The following LRCH2 variants were observed in gnomAD, a reference collection of about 807,000 sequenced individuals.
LRCH2 encodes leucine-rich repeat and calponin homology domain-containing protein 2.
LRCH2 carries 38 observed loss-of-function variants against 68.9 expected under a neutral mutation model. The observed-to-expected ratio is 0.55, with a 90% CI of 0.43 to 0.72. The LOEUF (loss-of-function observed/expected upper bound fraction) is 0.72, where lower values mean the gene tolerates loss of function less well. Ranked by LOEUF, LRCH2 falls within the 30% of genes least tolerant of loss-of-function variation. The pLI is 0.00. For synonymous variants in LRCH2, 191 were observed against 208.1 expected, an observed-to-expected ratio of 0.92 and a Z score of 0.71; for missense variants, 528 against 572.9, an observed-to-expected ratio of 0.92 and a Z score of 0.80.
intron 3 of LRCH2, among the ~76,000 whole-genome samples, chrX:115,184,100 G>T (rs1435561870): frequency 2.2e-4 from 25 of 111,822 alleles, no homozygotes; most frequent in Admixed American, 1.6e-3. Context: ...AATTCCCTTA[G>T]CTTTCCTCTA....
chrX:115,224,727 C>G (rs2073108006), intron 1 of LRCH2, among the ~76,000 whole-genome samples: 2 of 107,878 alleles, frequency 1.9e-5, no homozygotes, highest in Admixed American at 9.9e-5. Context: ...GAAGTAGATA[C>G]AGAAGCCAAG....
intron 3 of LRCH2, among the ~76,000 whole-genome samples, chrX:115,182,503 G>T (rs781824531): frequency 9.0e-6 from 1 of 111,663 alleles, no homozygotes; most frequent in East Asian, 2.8e-4. Flanking sequence ...AGGAATAAAG[G>T]TAATAAGGAT....
At chrX:115,198,679 C>T in intron 1 of LRCH2, 1 of 152,353 alleles carries the variant, frequency 6.6e-6, no homozygotes. Flanking sequence ...CACATCCACA[C>T]CAAGAGGAAG....
intron 11 of LRCH2, among the ~76,000 whole-genome samples, chrX:115,161,363 A>AT (rs1556541646): frequency 1.8e-5 from 2 of 111,287 alleles, no homozygotes; most frequent in African/African-American, 6.5e-5. Flanking sequence ...CAAAAAAAAA[A>AT]GTGCTCTTTA....
intron 10 of LRCH2, 74 bp downstream of exon 10, chrX:115,165,331 A>G (rs1401608365): frequency 6.9e-6 from 5 of 727,562 alleles, no homozygotes; most frequent in Non-Finnish European, 9.8e-6. Flanking sequence ...TTTTTCAAGT[A>G]CTCTTTCAAG....
chrX:115,167,200 A>AAAAC (rs1385033259), intron 6 of LRCH2, among the ~76,000 whole-genome samples: 35 of 100,147 alleles, frequency 3.5e-4, no homozygotes, highest in Non-Finnish European at 6.1e-4. Flanking sequence ...CTAAAAAAAA[A>AAAAC]AAAAAAAAAA....
At chrX:115,211,763 C>CCA (rs1266282070) in intron 1 of LRCH2, among the ~76,000 whole-genome samples, 7 of 110,973 alleles carry the variant, frequency 6.3e-5, no homozygotes, top group Non-Finnish European at 1.1e-4. Context: ...ATCCACACAC[C>CCA]CCCCCAAGAT....
chrX:115,126,772 G>A, intron 16 of LRCH2, 71 bp downstream of exon 16: 2 of 790,480 alleles, frequency 2.5e-6, no homozygotes, highest in Middle Eastern at 2.9e-4. Context: ...AACTGGCAAG[G>A]AAGACTCTTA....
intron 11 of LRCH2, among the ~76,000 whole-genome samples, chrX:115,158,990 C>CT (rs1461324991): frequency 1.8e-5 from 2 of 111,468 alleles, no homozygotes; most frequent in African/African-American, 6.5e-5. Context: ...TACATATCAA[C>CT]TTTTTTGTTT....
intron 1 of LRCH2, among the ~76,000 whole-genome samples, chrX:115,208,839 T>A (rs931816292): frequency 3.0e-4 from 34 of 111,974 alleles, no homozygotes; most frequent in Non-Finnish European, 5.4e-4. Flanking sequence ...TTTAAAAAAA[T>A]CCTAGGTAAT....
At chrX:115,221,336 TC>T (rs1473978631) in intron 1 of LRCH2, among the ~76,000 whole-genome samples, 1 of 107,325 alleles carries the variant, frequency 9.3e-6, no homozygotes, top group Non-Finnish European at 1.9e-5. Context: ...CTAATTTTTT[TC>T]ATTTTTAAAA....
chrX:115,188,202 T>C (rs1304495472), intron 2 of LRCH2, 24 bp downstream of exon 2: 1 of 1,072,012 alleles, frequency 9.3e-7, no homozygotes, highest in African/African-American at 1.9e-5. Flanking sequence ...AAAACCAAAA[T>C]TTATTTTTAA....
chrX:115,186,346 T>TAA (rs782173753), intron 2 of LRCH2, among the ~76,000 whole-genome samples: 7 of 88,172 alleles, frequency 7.9e-5, no homozygotes, highest in African/African-American at 2.1e-4. Context: ...AGACTCCGTC[T>TAA]AAAAAAAAAA....
At position 115,191,686 on chromosome X, in the gene LRCH2, G is replaced by A. The variant is rs868919851; in HGVS notation, c.350-3316C>T. 1.1e-5 allele frequency: 13 copies of A among 1,162,839 alleles called. No homozygotes were observed. Among genetic ancestry groups the A allele is most frequent in the Admixed American group, 2.6e-5 (1 of 38,181 alleles). ...CTATGGAGGAGGAGGTCGCTCACTC[G>A]ATGCCAACAGCAGTGGCCGCTTGCC... On this transcript the variant is annotated intron_variant, in intron 1 of 20. Transcript: ENST00000317135.
intron 16 of LRCH2, among the ~76,000 whole-genome samples, chrX:115,125,464 T>C (rs12007601): frequency 0.41 from 156 of 377 alleles, 10 homozygotes; most frequent in East Asian, 0.75. Context: ...TATATATATA[T>C]ATATATATAT....
rs781979145 is a variant in LRCH2 at position 115,192,280 on chromosome X, G to C, written c.350-3910C>G. The C allele has an allele frequency of 4.3e-6, 5 of 1,164,605 alleles. No individual in the cohort carries two copies. The African/African-American group carries it at 7.2e-5, about 17-fold the overall frequency. On this transcript the variant is annotated intron_variant, in intron 1 of 20. Transcript: ENST00000317135. ...CCGGAGCCACCGCTACGGAGGAGGAGGCCGCTACGAGGAGTACCGAGGCCC... is the reference window on the plus strand; with the variant it reads ...CCGGAGCCACCGCTACGGAGGAGGACGCCGCTACGAGGAGTACCGAGGCCC...
Position 115,112,038 on chromosome X carries a change from C to G in LRCH2, c.*1178G>C, listed in dbSNP as rs1163767958. ...ACCCATACCTAAGTTAAAACAAGGA[C>G]TTTGTGTAACACAGTATCTCATGAA... On this transcript the variant is annotated 3_prime_UTR_variant, in exon 21 of 21. Coordinates refer to ENST00000317135, the MANE Select transcript of LRCH2 (RefSeq NM_020871.4). 8.9e-6 allele frequency: 1 copy of G among 111,981 alleles called. No individual in the cohort carries two copies. The highest frequency in any genetic ancestry group is 1.9e-5 in the Non-Finnish European group (1 of 53,020). 9.2% of individuals were successfully genotyped at this position (111,981 alleles called of 1,213,427 possible). A position where few individuals can be genotyped will look rare whatever the true frequency, so the allele number is the denominator to read the frequency against.
At chrX:115,143,645 C>G (rs1556535089) in intron 14 of LRCH2, among the ~76,000 whole-genome samples, 2 of 111,277 alleles carry the variant, frequency 1.8e-5, no homozygotes. Context: ...CCAGTATTAG[C>G]CTAATACTAA....
intron 14 of LRCH2, among the ~76,000 whole-genome samples, chrX:115,138,532 C>T (rs965980276): frequency 9.0e-6 from 1 of 110,891 alleles, no homozygotes; most frequent in Non-Finnish European, 1.9e-5. Context: ...ATTCTTGCAA[C>T]GAGTAGGGAA....
Sources: gnomAD v4.1 joint callset for allele counts (sites outside exome capture counted in the v4.1 genomes callset) on GRCh38, gnomAD v4.1.1 for gene constraint, MANE v1.5 for transcripts, NCBI Gene and HGNC (gene_info 2026-07-23, HGNC 2026-07-21) for gene names.